SNX10: variants seen among roughly 807,000 people sequenced by gnomAD.
SNX10 encodes sorting nexin-10.
In SNX10, 25 loss-of-function variants were observed where a neutral mutation model predicts 28.5. That is an observed-to-expected ratio of 0.88 (90% confidence interval 0.64 to 1.22). SNX10 has a LOEUF of 1.22. SNX10 is among the 50% of genes most tolerant of loss of function. The pLI is 0.00. For missense variants in SNX10, 223 were observed against 242.6 expected, an observed-to-expected ratio of 0.92 and a Z score of 0.54; for synonymous variants, 62 against 81.4, an observed-to-expected ratio of 0.76 and a Z score of 1.28.
At chr7:26,322,820 C>T (rs758728282) in intron 1 of SNX10, among the ~76,000 whole-genome samples, 8 of 152,110 alleles carry the variant, frequency 5.3e-5, no homozygotes, top group Non-Finnish European at 1.0e-4. Flanking sequence ...TGCCCACCTG[C>T]GATTATGTGC....
In SNX10 at chr7:26,364,452, T is replaced by C. The variant is rs913093110; in HGVS notation, c.112-83T>C. The stretch of plus-strand genomic sequence containing the variant: ...GTTTAAATCCTATTTAGAGTGAATG[T>C]TGAGATCATATTGTGAATTATAGAT... On this transcript the variant is annotated intron_variant, in intron 3 of 6. Coordinates refer to ENST00000338523, the MANE Select transcript of SNX10 (RefSeq NM_013322.3). This position sits in a 1 kb window ranked among gnomAD's most constrained non-coding sequence, Gnocchi z 4.9. 1 of 1,479,446 alleles carries C rather than the reference T, an allele frequency of 6.8e-7. No individual in the cohort carries two copies. The highest frequency in any genetic ancestry group is 1.4e-5 in the African/African-American group (1 of 71,304). 91.6% of individuals were successfully genotyped at this position (1,479,446 alleles called of 1,614,324 possible).
chr7:26,342,619 T>C (rs1788225216), intron 1 of SNX10, among the ~76,000 whole-genome samples: 1 of 152,174 alleles, frequency 6.6e-6, no homozygotes, highest in Non-Finnish European at 1.5e-5. Flanking sequence ...CTTTAAAAAG[T>C]TTAAAATTAA....
intron 1 of SNX10, among the ~76,000 whole-genome samples, chr7:26,330,739 G>A (rs1486337608): frequency 6.6e-6 from 1 of 152,136 alleles, no homozygotes; most frequent in African/African-American, 2.4e-5. Flanking sequence ...AATGGGTGAG[G>A]CCAGGCATAG....
intron 1 of SNX10, among the ~76,000 whole-genome samples, chr7:26,334,568 T>G (rs1403079834): frequency 6.6e-6 from 1 of 152,180 alleles, no homozygotes; most frequent in Non-Finnish European, 1.5e-5. Flanking sequence ...ATTCTGTAAT[T>G]TTTTTTGTTT....
At chr7:26,303,501 G>C (rs533734611) in intron 1 of SNX10, among the ~76,000 whole-genome samples, 1 of 152,020 alleles carries the variant, frequency 6.6e-6, no homozygotes, top group Non-Finnish European at 1.5e-5. Flanking sequence ...AGGCTCCTCC[G>C]ACCCTCTTTG....
At chr7:26,346,867 G>T (rs1788408601) in intron 2 of SNX10, among the ~76,000 whole-genome samples, 1 of 152,226 alleles carries the variant, frequency 6.6e-6, no homozygotes, top group Admixed American at 6.5e-5. Context: ...TTGTTGCCTG[G>T]GCTTGGTTTC....
At chr7:26,332,877 G>C (rs1787796565) in intron 1 of SNX10, among the ~76,000 whole-genome samples, 1 of 152,066 alleles carries the variant, frequency 6.6e-6, no homozygotes, top group South Asian at 2.1e-4. Context: ...GAAATCAATT[G>C]ACTAGACAGA....
chr7:26,318,733 A>G (rs1787191793), intron 1 of SNX10, among the ~76,000 whole-genome samples: 2 of 152,184 alleles, frequency 1.3e-5, no homozygotes, highest in South Asian at 4.1e-4. Context: ...GGCCTCCCAA[A>G]TTGCTGGGAT....
intron 2 of SNX10, among the ~76,000 whole-genome samples, chr7:26,358,510 C>T (rs1178757510): frequency 6.6e-6 from 1 of 152,066 alleles, no homozygotes; most frequent in Non-Finnish European, 1.5e-5. Context: ...GAGGCTGAGG[C>T]AGGGGTGTTG....
chr7:26,301,004 G>C (rs1351226923), intron 1 of SNX10, among the ~76,000 whole-genome samples: 1 of 104,902 alleles, frequency 9.5e-6, no homozygotes, highest in East Asian at 3.1e-4. Context: ...GGGTGACAGA[G>C]TGATACTCTG....
chr7:26,320,203 A>C (rs1787257183), intron 1 of SNX10, among the ~76,000 whole-genome samples: 1 of 151,908 alleles, frequency 6.6e-6, no homozygotes, highest in South Asian at 2.1e-4. Context: ...GCTGGTCCCC[A>C]ACTCTTGACC....
At chr7:26,310,981 C>G (rs1003236216) in intron 1 of SNX10, among the ~76,000 whole-genome samples, 4 of 151,964 alleles carry the variant, frequency 2.6e-5, no homozygotes, top group South Asian at 2.1e-4. Flanking sequence ...CCGTGCCTGG[C>G]CAAGCTGAGG....
intron 5 of SNX10, among the ~76,000 whole-genome samples, chr7:26,366,640 C>A (rs1789300429): frequency 6.6e-6 from 1 of 152,226 alleles, no homozygotes; most frequent in Admixed American, 6.5e-5. Flanking sequence ...CCACACAATT[C>A]TACAGAATTG....
chr7:26,304,759 C>T (rs557396646), intron 1 of SNX10, among the ~76,000 whole-genome samples: 1 of 152,340 alleles, frequency 6.6e-6, no homozygotes, highest in Non-Finnish European at 1.5e-5. Flanking sequence ...CAGTGCATTC[C>T]TGTGGCATTT....
intron 1 of SNX10, among the ~76,000 whole-genome samples, chr7:26,310,721 T>A (rs1005644659): frequency 4.7e-5 from 7 of 150,180 alleles, no homozygotes; most frequent in Non-Finnish European, 1.0e-4. Context: ...TCGCTCTGTC[T>A]CCCAGGCTGG....
At chr7:26,340,433 C>A (rs757079846) in intron 1 of SNX10, among the ~76,000 whole-genome samples, 1 of 152,078 alleles carries the variant, frequency 6.6e-6, no homozygotes, top group African/African-American at 2.4e-5. Context: ...ACTATCTGAC[C>A]CTCTACAGAA....
chr7:26,330,867 A>G (rs1787722167), intron 1 of SNX10, among the ~76,000 whole-genome samples: 1 of 152,072 alleles, frequency 6.6e-6, no homozygotes, highest in African/African-American at 2.4e-5. Flanking sequence ...AAACAGAACT[A>G]AGCTGAGTGC....
chr7:26,361,039 T>C lies in SNX10; in HGVS notation c.89T>C (p.Ile30Thr), dbSNP rs758880274. 3 of 1,607,954 alleles carry C rather than the reference T, an allele frequency of 1.9e-6. No individual in the cohort carries two copies. Among genetic ancestry groups the C allele is most frequent in the Admixed American group, 3.3e-5 (2 of 59,920 alleles). The change falls in exon 3 of 7, where the codon ATT becomes ACT. Residue 30 changes from isoleucine (I) to threonine (T), a missense_variant. Coordinates refer to ENST00000338523, the MANE Select transcript of SNX10 (RefSeq NM_013322.3). ...AAGGAGGACTTCTGGCATTCTTACA[T>C]TGACTATGAGATATGTATTCATGTA... is the stretch of plus-strand genomic sequence containing the variant. ...IQKEDFWHSY[I>T]DYEICIHTNS... is the part of the protein sequence containing the mutation.
rs547391174 is a variant in SNX10, at chr7:26,354,645, T to G, written c.25-6330T>G. 3.3e-5 allele frequency among the ~76,000 whole-genome samples: 5 copies of G among 152,332 alleles called. No homozygotes were observed. The East Asian group carries it at 9.6e-4, about 29-fold the overall frequency. The stretch of plus-strand genomic sequence containing the variant: ...ATCCTCCCACCTTGGCCTCCCAAAG[T>G]GCTGGGATTACAGGAGAGAGCCACC... On this transcript the variant is annotated intron_variant, in intron 2 of 6. Transcript: ENST00000338523.
Sources: allele counts gnomAD v4.1 joint callset (sites outside exome capture counted in the v4.1 genomes callset), GRCh38; gene constraint gnomAD v4.1.1; non-coding constraint Gnocchi (gnomAD v3.1); transcripts MANE v1.5; gene names NCBI Gene and HGNC (gene_info 2026-07-23, HGNC 2026-07-21).